SCN4B: variants seen among roughly 807,000 people sequenced by gnomAD.
SCN4B encodes the protein sodium voltage-gated channel beta subunit 4, also known as sodium channel regulatory subunit beta-4.
SCN4B carries 20 observed loss-of-function variants against 19.6 expected under a neutral mutation model. That is an observed-to-expected ratio of 1.02 (90% CI 0.72 to 1.48). The LOEUF (loss-of-function observed/expected upper bound fraction) is 1.48, where lower values mean the gene tolerates loss of function less well. Ranked by LOEUF, SCN4B falls within the 40% of genes most tolerant of loss-of-function variation. The pLI is 0.00. For missense variants in SCN4B, 271 were observed against 287.5 expected (o/e 0.94, Z 0.42); for synonymous variants, 127 against 122.8 (o/e 1.03, Z -0.22).
chr11:118,142,803 C>T (rs1241881001), intron 3 of SCN4B: 3 of 152,214 alleles, frequency 2.0e-5, no homozygotes, highest in Admixed American at 2.0e-4. Flanking sequence ...AGAAAACGCT[C>T]CACAAATGCC....
In SCN4B at chr11:118,136,029, G is replaced by A. The variant is rs1947992386; in HGVS notation, c.*998C>T. The A allele has an allele frequency of 5.1e-6, 2 of 393,440 alleles. No individual in the cohort carries two copies. Among genetic ancestry groups the A allele is most frequent in the African/African-American group, 2.7e-5 (1 of 36,906 alleles). 24.4% of individuals were successfully genotyped at this position (393,440 alleles called of 1,614,324 possible). A position where few individuals can be genotyped will look rare whatever the true frequency, so the allele number is the denominator to read the frequency against. On this transcript the variant is annotated 3_prime_UTR_variant, in exon 5 of 5. Transcript: ENST00000324727. Reference sequence around the variant, plus strand: ...CACCCTGGGGGCAGGGCGTGATGGAGGGCACGGTGGGGGGGGGGGAGCGAG... The same window carrying A: ...CACCCTGGGGGCAGGGCGTGATGGAAGGCACGGTGGGGGGGGGGGAGCGAG...
intron 3 of SCN4B, chr11:118,141,987 CT>C: frequency 6.5e-6 from 1 of 153,264 alleles, no homozygotes; most frequent in Non-Finnish European, 1.5e-5. Flanking sequence ...TCTTTGATGC[CT>C]TTTATTCAAA....
At chr11:118,150,888 G>C (rs1019028646) in intron 1 of SCN4B, among the ~76,000 whole-genome samples, 2 of 152,214 alleles carry the variant, frequency 1.3e-5, no homozygotes, top group African/African-American at 2.4e-5. Context: ...CTGCAGACCA[G>C]AGGGGCAGGG....
rs186000715 is a variant in SCN4B, at chr11:118,134,392, A to C, written c.*2635T>G. On this transcript the variant is annotated 3_prime_UTR_variant, in exon 5 of 5. Transcript: ENST00000324727. ...AGAGATTTGCATGCACTGAGGTTCCACTTGGGGAAGATAGCTTTGCCCATA... is the reference window on the plus strand; with the variant it reads ...AGAGATTTGCATGCACTGAGGTTCCCCTTGGGGAAGATAGCTTTGCCCATA... 69 of 454,106 alleles carry C rather than the reference A, an allele frequency of 1.5e-4. No homozygotes were observed. Among genetic ancestry groups the C allele is most frequent in the African/African-American group, 1.2e-3 (61 of 50,120 alleles). 28.1% of individuals were successfully genotyped at this position (454,106 alleles called of 1,614,324 possible).
chr11:118,134,269 T>G lies in SCN4B; in HGVS notation c.*2758A>C, dbSNP rs1353980820. ...GGAGCTCAGAACTTTGTCTTTAGTC[T>G]CGCTGACATCACTCAGCCCAGCTGC... On this transcript the variant is annotated 3_prime_UTR_variant, in exon 5 of 5. Coordinates refer to ENST00000324727, the MANE Select transcript of SCN4B (RefSeq NM_174934.4). The G allele has an allele frequency of 2.2e-6, 1 of 454,154 alleles. No homozygotes were observed. Among genetic ancestry groups the G allele is most frequent in the Non-Finnish European group, 4.4e-6 (1 of 226,804 alleles). The allele number at this position is 454,154 out of a possible 1,614,324, so 28.1% of individuals were successfully genotyped here. A position where few individuals can be genotyped will look rare whatever the true frequency, so the allele number is the denominator to read the frequency against.
chr11:118,145,306 G>C, intron 1 of SCN4B, 77 bp from the exon 2 acceptor site: 1 of 1,600,248 alleles, frequency 6.2e-7, no homozygotes, highest in Non-Finnish European at 8.5e-7. Context: ...AGGCAGGGCG[G>C]AGTAGCTTGG....
rs971753422 is a variant in SCN4B at position 118,148,409 on chromosome 11, G to A, written c.62-3180C>T. On this transcript the variant is annotated intron_variant, in intron 1 of 4. Coordinates refer to ENST00000324727, the MANE Select transcript of SCN4B (RefSeq NM_174934.4). This position sits in a 1 kb window ranked among gnomAD's most constrained non-coding sequence, Gnocchi z 4.0. ...GGGCAGGTGTTGGTCCACAAAGGCCGCCGGAGGGCTGCTTCAGGATGACCA... is the reference window on the plus strand; with the variant it reads ...GGGCAGGTGTTGGTCCACAAAGGCCACCGGAGGGCTGCTTCAGGATGACCA... Among the ~76,000 whole-genome samples, 4 of 152,220 alleles carry A rather than the reference G, an allele frequency of 2.6e-5. No individual in the cohort carries two copies. In the East Asian group the frequency reaches 5.8e-4, roughly 22 times the overall value.
intron 4 of SCN4B, among the ~76,000 whole-genome samples, chr11:118,138,470 G>A (rs1213800016): frequency 6.6e-6 from 1 of 152,062 alleles, no homozygotes; most frequent in Non-Finnish European, 1.5e-5. Context: ...ACCTCTATTC[G>A]GATGGATCCA....
At chr11:118,141,369 C>A (rs186892197) in intron 3 of SCN4B, 33 bp from the exon 4 acceptor site, 23 of 1,611,900 alleles carry the variant, frequency 1.4e-5, no homozygotes, top group Admixed American at 6.7e-5. Flanking sequence ...AAAGGGAAGG[C>A]ACAAAGGGAG....
chr11:118,151,546 C>G (rs1310553058), intron 1 of SCN4B, among the ~76,000 whole-genome samples: 1 of 152,208 alleles, frequency 6.6e-6, no homozygotes, highest in Non-Finnish European at 1.5e-5. Flanking sequence ...AAGAAATACT[C>G]TCTCCCCTCT....
At position 118,141,339 on chromosome 11, in the gene SCN4B, G is replaced by A. The variant is rs1274790429; in HGVS notation, c.464-3C>T. ...CACTGTGTTGTCCACTTCTTCCACT[G>A]TGTGGCCCGAGTAGGGAGGAAAGGG... On this transcript the variant is annotated splice_region_variant and splice_polypyrimidine_tract_variant and intron_variant, in intron 3 of 4. Transcript: ENST00000324727. 1.2e-6 allele frequency: 2 copies of A among 1,612,262 alleles called. No individual in the cohort carries two copies. The highest frequency in any genetic ancestry group is 2.2e-5 in the East Asian group (1 of 44,888).
At position 118,134,467 on chromosome 11, in the gene SCN4B, G is replaced by A; in HGVS notation, c.*2560C>T. On this transcript the variant is annotated 3_prime_UTR_variant, in exon 5 of 5. Coordinates refer to ENST00000324727, the MANE Select transcript of SCN4B (RefSeq NM_174934.4). ...AGTGTTTCTCCATGGGTATAATGTT[G>A]ACATGGGACAGGATGATTCTTTGTT... 4.4e-6 allele frequency: 2 copies of A among 454,060 alleles called. No homozygotes were observed. The highest frequency in any genetic ancestry group is 1.6e-5 in the South Asian group (1 of 64,476). The allele number at this position is 454,060 out of a possible 1,614,324, so 28.1% of individuals were successfully genotyped here.
At chr11:118,145,257 T>A in intron 1 of SCN4B, 28 bp from the exon 2 acceptor site, 1 of 1,613,366 alleles carries the variant, frequency 6.2e-7, no homozygotes, top group Non-Finnish European at 8.5e-7. Context: ...CCTCCCTTAA[T>A]AAAACCCCAC....
At chr11:118,141,468 C>T in intron 3 of SCN4B, 132 bp from the exon 4 acceptor site, 1 of 1,025,654 alleles carries the variant, frequency 9.7e-7, no homozygotes. Flanking sequence ...CACTCCCAGA[C>T]CCCCAGCCCT....
intron 4 of SCN4B, 42 bp downstream of exon 4, chr11:118,141,158 AGGGTGGT>A: frequency 1.2e-6 from 2 of 1,610,622 alleles, no homozygotes; most frequent in Non-Finnish European, 1.7e-6. Flanking sequence ...GGTAGATGAG[AGGGTGGT>A]GGGCTGCTGG....
intron 1 of SCN4B, among the ~76,000 whole-genome samples, chr11:118,152,150 C>A (rs1676752023): frequency 6.6e-6 from 1 of 152,146 alleles, no homozygotes; most frequent in Non-Finnish European, 1.5e-5. Flanking sequence ...GAAGGGGACT[C>A]CCCCACCCCC....
At position 118,141,551 on chromosome 11, in the gene SCN4B, C is replaced by T. The variant is rs73014954; in HGVS notation, c.464-215G>A. 5.7e-4 allele frequency: 345 copies of T among 603,406 alleles called. 1 individual carries two copies. The highest frequency in any genetic ancestry group is 9.1e-4 in the Non-Finnish European group (308 of 337,618). The allele number at this position is 603,406 out of a possible 1,614,324, so 37.4% of individuals were successfully genotyped here. A position where few individuals can be genotyped will look rare whatever the true frequency, so the allele number is the denominator to read the frequency against. ...CAGGCTAGGGCACACATAAGGGGCC[C>T]TCTCCCCCACCCTGCACATGCCCTC... is the stretch of plus-strand genomic sequence containing the variant. On this transcript the variant is annotated intron_variant, in intron 3 of 4. Coordinates refer to ENST00000324727, the MANE Select transcript of SCN4B (RefSeq NM_174934.4).
intron 4 of SCN4B, among the ~76,000 whole-genome samples, chr11:118,138,200 C>G (rs2135498717): frequency 6.6e-6 from 1 of 152,330 alleles, no homozygotes; most frequent in African/African-American, 2.4e-5. Context: ...ACAGCTGCTA[C>G]AGCCAAACTA....
In SCN4B at chr11:118,152,653, T is replaced by A; in HGVS notation, c.21A>T (p.Gly7=). MPGAGD[G]GKAPARWLGT... The stretch of plus-strand genomic sequence containing the variant: ...CCAGCCATCTCGCCGGGGCTTTGCC[T>A]CCGTCCCCAGCCCCGGGCATAGTCC... The change falls in exon 1 of 5, where the codon GGA becomes GGT. Residue 7 remains glycine (G), a synonymous_variant. Transcript: ENST00000324727. 6.2e-7 allele frequency: 1 copy of A among 1,611,280 alleles called. No homozygotes were observed. Among genetic ancestry groups the A allele is most frequent in the Non-Finnish European group, 8.5e-7 (1 of 1,178,466 alleles).
Sources: gnomAD v4.1 joint callset for allele counts (sites outside exome capture counted in the v4.1 genomes callset) on GRCh38, gnomAD v4.1.1 for gene constraint, Gnocchi (gnomAD v3.1) non-coding constraint, MANE v1.5 for transcripts, NCBI Gene and HGNC (gene_info 2026-07-23, HGNC 2026-07-21) for gene names.